The following FGF7 variants were observed in gnomAD, a reference collection of about 807,000 sequenced individuals.
FGF7 encodes fibroblast growth factor 7, also known as FGF-7.
A neutral mutation model predicts 20.5 loss-of-function variants in FGF7; 6 were observed. The observed-to-expected ratio is 0.29, with a 90% CI of 0.16 to 0.58. The LOEUF (loss-of-function observed/expected upper bound fraction) is 0.58. Ranked by LOEUF, FGF7 falls within the 20% of genes least tolerant of loss-of-function variation. The probability of loss-of-function intolerance (pLI) is 0.90; values close to 1 mark genes in which losing one functional copy is unlikely to be tolerated. For synonymous variants in FGF7, 64 were observed against 74.7 expected (o/e 0.86, Z 0.74); for missense variants, 144 against 228.8 (o/e 0.63, Z 2.39).
At chr15:49,467,792 A>T (rs1020997712) in intron 2 of FGF7, among the ~76,000 whole-genome samples, 2 of 152,128 alleles carry the variant, frequency 1.3e-5, no homozygotes, top group African/African-American at 2.4e-5. Context: ...TTCAGGGAAT[A>T]TATCTTCTCT....
chr15:49,474,155 T>C (rs1301672543), intron 2 of FGF7, among the ~76,000 whole-genome samples: 1 of 152,194 alleles, frequency 6.6e-6, no homozygotes, highest in African/African-American at 2.4e-5. Flanking sequence ...TTATGGTCTA[T>C]ATCAAGGAAA....
At chr15:49,449,337 AT>A (rs1458159577) in intron 2 of FGF7, among the ~76,000 whole-genome samples, 1 of 152,046 alleles carries the variant, frequency 6.6e-6, no homozygotes. Context: ...ATACCTACAA[AT>A]TGTCCTCTAT....
At chr15:49,456,783 T>C (rs1343026396) in intron 2 of FGF7, among the ~76,000 whole-genome samples, 1 of 152,050 alleles carries the variant, frequency 6.6e-6, no homozygotes, top group Non-Finnish European at 1.5e-5. Context: ...TGACAGGTGA[T>C]GGGAAGTCAC....
intron 2 of FGF7, among the ~76,000 whole-genome samples, chr15:49,452,719 C>T (rs1426346568): frequency 6.6e-6 from 1 of 151,982 alleles, no homozygotes; most frequent in African/African-American, 2.4e-5. Flanking sequence ...ATCTTGGTTT[C>T]TTTATTGGGT....
At chr15:49,462,248 A>G (rs2053867414) in intron 2 of FGF7, among the ~76,000 whole-genome samples, 1 of 152,242 alleles carries the variant, frequency 6.6e-6, no homozygotes, top group Non-Finnish European at 1.5e-5. Flanking sequence ...CTTTAATCAT[A>G]TATGAGTACA....
chr15:49,483,623 T>A (rs1289139167), intron 3 of FGF7, among the ~76,000 whole-genome samples: 2 of 152,048 alleles, frequency 1.3e-5, no homozygotes, highest in Non-Finnish European at 2.9e-5. Context: ...ATGAAAATTC[T>A]TGGGAAAAAA....
At chr15:49,443,459 G>A (rs549766560) in intron 2 of FGF7, among the ~76,000 whole-genome samples, 1 of 151,460 alleles carries the variant, frequency 6.6e-6, no homozygotes, top group South Asian at 2.1e-4. Context: ...TACAAATCAG[G>A]GCTTGATTCA....
At chr15:49,427,063 T>C (rs1023414628) in intron 2 of FGF7, among the ~76,000 whole-genome samples, 1 of 151,900 alleles carries the variant, frequency 6.6e-6, no homozygotes, top group Admixed American at 6.6e-5. Context: ...ATGAAGAATA[T>C]ATGGAGAATA....
At chr15:49,442,669 C>T (rs1033274477) in intron 2 of FGF7, among the ~76,000 whole-genome samples, 3 of 151,608 alleles carry the variant, frequency 2.0e-5, no homozygotes, top group African/African-American at 7.3e-5. Flanking sequence ...TTATTGTTGC[C>T]TGCCATTATA....
intron 2 of FGF7, among the ~76,000 whole-genome samples, chr15:49,468,154 T>C (rs186411922): frequency 6.6e-6 from 1 of 152,300 alleles, no homozygotes; most frequent in Admixed American, 6.5e-5. Context: ...ATAATTATTT[T>C]TGGTTAACCA....
intron 2 of FGF7, among the ~76,000 whole-genome samples, chr15:49,433,267 T>C (rs2050777145): frequency 6.6e-6 from 1 of 151,666 alleles, no homozygotes; most frequent in Admixed American, 6.6e-5. Flanking sequence ...CTTATGATTC[T>C]TTCTGTTTGC....
chr15:49,453,612 T>C (rs1289266161), intron 2 of FGF7, among the ~76,000 whole-genome samples: 2 of 152,202 alleles, frequency 1.3e-5, no homozygotes, highest in African/African-American at 4.8e-5. Flanking sequence ...ACTCTGCTCA[T>C]GACAACCATA....
At chr15:49,453,377 T>C (rs1305050145) in intron 2 of FGF7, among the ~76,000 whole-genome samples, 1 of 152,148 alleles carries the variant, frequency 6.6e-6, no homozygotes, top group African/African-American at 2.4e-5. Flanking sequence ...GTGTTGAGAT[T>C]ACAGGCATGC....
chr15:49,474,470 T>G (rs1426567676), intron 2 of FGF7, among the ~76,000 whole-genome samples: 1 of 152,062 alleles, frequency 6.6e-6, no homozygotes, highest in African/African-American at 2.4e-5. Flanking sequence ...CTACAATAAA[T>G]TAATGAGATT....
intron 2 of FGF7, among the ~76,000 whole-genome samples, chr15:49,461,447 T>C (rs1406839392): frequency 2.6e-5 from 4 of 152,246 alleles, no homozygotes; most frequent in Admixed American, 2.0e-4. Flanking sequence ...GTGGCTTATC[T>C]GACATCATGT....
chr15:49,453,784 C>T (rs888459895), intron 2 of FGF7, among the ~76,000 whole-genome samples: 1 of 152,076 alleles, frequency 6.6e-6, no homozygotes, highest in African/African-American at 2.4e-5. Context: ...CTGATGACCT[C>T]CAGGAAATTC....
chr15:49,471,797 G>C (rs961769926), intron 2 of FGF7, among the ~76,000 whole-genome samples: 1 of 152,012 alleles, frequency 6.6e-6, no homozygotes, highest in Non-Finnish European at 1.5e-5. Context: ...TTTGCTGAGT[G>C]GGGAGCTGTG....
At chr15:49,443,895 T>C (rs946893424) in intron 2 of FGF7, among the ~76,000 whole-genome samples, 2 of 149,490 alleles carry the variant, frequency 1.3e-5, no homozygotes, top group Non-Finnish European at 3.0e-5. Context: ...TATGTGTGCA[T>C]ATATATGTAC....
intron 2 of FGF7, among the ~76,000 whole-genome samples, chr15:49,473,084 A>G (rs761847414): frequency 1.7e-4 from 26 of 152,166 alleles, no homozygotes; most frequent in Non-Finnish European, 3.2e-4. Flanking sequence ...GCATACTGTA[A>G]TCTTTTTTCA....
Sources: gnomAD v4.1 joint callset for allele counts (sites outside exome capture counted in the v4.1 genomes callset) on GRCh38, gnomAD v4.1.1 for gene constraint, MANE v1.5 for transcripts, NCBI Gene and HGNC (gene_info 2026-07-23, HGNC 2026-07-21) for gene names.